Variants in TECPR1 observed in about 807,000 individuals in gnomAD.
TECPR1 encodes the protein tectonin beta-propeller repeat containing 1.
Under a neutral mutation model 162.4 loss-of-function variants are expected in TECPR1, and 122 were observed. The ratio of observed to expected loss-of-function variants is 0.75; its 90% CI spans 0.65 to 0.87. The LOEUF (loss-of-function observed/expected upper bound fraction) is 0.87. Among genes scored for constraint, TECPR1 ranks in the 40% least tolerant of loss-of-function variants. TECPR1 has a pLI of 0.00. For missense variants in TECPR1, 1,432 were observed against 1,618.2 expected (o/e 0.88, Z 1.97); for synonymous variants, 642 against 670.6 (o/e 0.96, Z 0.66).
At position 98,232,027 on chromosome 7, in the gene TECPR1, T is replaced by TG; in HGVS notation, c.1819-69dup. ...GGGTGCCAGGGGAGGAGGGCGGGGC[T>TG]GGGGGTGCCCAGAGGAGGAGGCAGG... On this transcript the variant is annotated intron_variant, in intron 12 of 25. Coordinates refer to ENST00000447648, the MANE Select transcript of TECPR1 (RefSeq NM_015395.3). This position sits in a 1 kb window ranked among gnomAD's most constrained non-coding sequence, Gnocchi z 4.6. 6.6e-7 allele frequency: 1 copy of TG among 1,513,376 alleles called. No homozygotes were observed. Among genetic ancestry groups the TG allele is most frequent in the Non-Finnish European group, 8.9e-7 (1 of 1,127,316 alleles). The allele number at this position is 1,513,376 out of a possible 1,614,324, so 93.7% of individuals were successfully genotyped here. A position where few individuals can be genotyped will look rare whatever the true frequency, so the allele number is the denominator to read the frequency against.
rs1362479626 is a variant in TECPR1 at position 98,222,994 on chromosome 7, G to A, written c.2924C>T (p.Pro975Leu). The change falls in exon 21 of 26, where the codon CCT (proline) becomes CTT (leucine). Residue 975 changes from proline to leucine, a missense_variant. Transcript: ENST00000447648. ...CTGTCTGGCCCCGGCACTCACCGCA[G>A]GGTTGAGCTCCGACACGCCCAGGCG... ...LCRLGVSELN[P>L]AGSSWLHVGT... The A allele has an allele frequency of 5.0e-6, 8 of 1,611,648 alleles. No individual in the cohort carries two copies. Among genetic ancestry groups the A allele is most frequent in the South Asian group, 3.3e-5 (3 of 90,872 alleles).
At chr7:98,246,255 A>G (rs1798906829) in intron 2 of TECPR1, 90 bp from the exon 3 acceptor site, 2 of 713,440 alleles carry the variant, frequency 2.8e-6, no homozygotes, top group South Asian at 2.1e-5. Flanking sequence ...TACTGTGACT[A>G]TTTATTCTTT....
intron 17 of TECPR1, 99 bp from the exon 18 acceptor site, chr7:98,225,201 A>T: frequency 8.5e-7 from 1 of 1,173,688 alleles, no homozygotes; most frequent in Non-Finnish European, 1.2e-6. Context: ...ACCGAGCTCC[A>T]GTCTCAGAGC....
intron 17 of TECPR1, chr7:98,226,647 G>C: frequency 9.3e-7 from 1 of 1,075,570 alleles, no homozygotes; most frequent in Non-Finnish European, 1.1e-6. Context: ...AGAAGTGGAG[G>C]CCGGGCGCAG....
intron 6 of TECPR1, 97 bp downstream of exon 6, chr7:98,243,370 G>A (rs1798819372): frequency 2.0e-6 from 3 of 1,485,864 alleles, no homozygotes; most frequent in Admixed American, 1.9e-5. Flanking sequence ...GGGGGGCCGG[G>A]GCTCCGGGGA....
intron 15 of TECPR1, among the ~76,000 whole-genome samples, chr7:98,230,420 C>A (rs765014615): frequency 3.3e-5 from 5 of 152,092 alleles, no homozygotes; most frequent in Admixed American, 6.5e-5. Context: ...GTCCAGTCTC[C>A]ACCAGCATTT....
At chr7:98,230,780 C>A (rs1257978372) in intron 15 of TECPR1, among the ~76,000 whole-genome samples, 181 bp downstream of exon 15, 2 of 152,204 alleles carry the variant, frequency 1.3e-5, no homozygotes, top group African/African-American at 2.4e-5. Context: ...GGTTCCCCCT[C>A]TTGGAGTCTT....
At position 98,240,754 on chromosome 7, in the gene TECPR1, T is replaced by C. The variant is rs1185665401; in HGVS notation, c.933+97A>G. 8 of 1,049,264 alleles carry C rather than the reference T, an allele frequency of 7.6e-6. No homozygotes were observed. The African/African-American group carries it at 1.1e-4, about 15-fold the overall frequency. The allele number at this position is 1,049,264 out of a possible 1,614,324, so 65.0% of individuals were successfully genotyped here. ...TTTTTAATTTGAGACAGGGTCTCGC[T>C]CTGTCACCCAGGCTGGAGTCCAGTG... On this transcript the variant is annotated intron_variant, in intron 8 of 25. Transcript: ENST00000447648.
chr7:98,222,578 A>G (rs1798169939), intron 21 of TECPR1, 57 bp from the exon 22 acceptor site: 1 of 1,528,942 alleles, frequency 6.5e-7, no homozygotes, highest in Non-Finnish European at 8.8e-7. Context: ...CCAGGGCCCC[A>G]CCTCCAGGAC....
chr7:98,234,705 CTTTTTTTT>C (rs34332931), intron 10 of TECPR1, among the ~76,000 whole-genome samples: 2 of 73,508 alleles, frequency 2.7e-5, no homozygotes, highest in South Asian at 4.4e-4. Context: ...TTGTTATTGT[CTTTTTTTT>C]TTTTTTTTTT....
intron 4 of TECPR1, 87 bp from the exon 5 acceptor site, chr7:98,244,780 A>G: frequency 6.3e-7 from 1 of 1,581,182 alleles, no homozygotes; most frequent in South Asian, 1.2e-5. Context: ...TGTGGCCTGA[A>G]ACACCCGAGC....
intron 10 of TECPR1, among the ~76,000 whole-genome samples, chr7:98,236,445 A>G (rs7777991): frequency 0.17 from 26,124 of 151,586 alleles, 2,354 homozygotes; most frequent in South Asian, 0.29. Flanking sequence ...TCAGCCTCGG[A>G]CCCAATGGGA....
chr7:98,246,154 G>C lies in TECPR1; in HGVS notation c.-8C>G. ...CAGCACTGAGTTGGGCATGGCAGCG[G>C]CTGGAGGTAACCTGCGGCAGGAGGA... On this transcript the variant is annotated 5_prime_UTR_variant, in exon 3 of 26. Transcript: ENST00000447648. 2 of 1,538,050 alleles carry C rather than the reference G, an allele frequency of 1.3e-6. No individual in the cohort carries two copies. Among genetic ancestry groups the C allele is most frequent in the Non-Finnish European group, 1.8e-6 (2 of 1,137,878 alleles).
In TECPR1 at chr7:98,217,381, G is replaced by A. The variant is rs562148558; in HGVS notation, c.*9C>T. On this transcript the variant is annotated 3_prime_UTR_variant, in exon 26 of 26. Coordinates refer to ENST00000447648, the MANE Select transcript of TECPR1 (RefSeq NM_015395.3). ...GCACCGTCCCTGCATGTAGGTGTGT[G>A]GGGGGGCCTCAGCAGCAGACGGGGC... 12 of 1,517,078 alleles carry A rather than the reference G, an allele frequency of 7.9e-6. No individual in the cohort carries two copies. Among genetic ancestry groups the A allele is most frequent in the Admixed American group, 1.8e-5 (1 of 56,456 alleles). The allele number at this position is 1,517,078 out of a possible 1,614,324, so 94.0% of individuals were successfully genotyped here.
At chr7:98,242,897 C>A in intron 6 of TECPR1, among the ~76,000 whole-genome samples, 1 of 150,102 alleles carries the variant, frequency 6.7e-6, no homozygotes, top group Non-Finnish European at 1.5e-5. Flanking sequence ...TACACCCACC[C>A]ACCCACTCAC....
chr7:98,217,679 G>T lies in TECPR1; in HGVS notation c.3384+13C>A, dbSNP rs374994151. On this transcript the variant is annotated intron_variant, in intron 25 of 25. Transcript: ENST00000447648. ...AGGTGATAACACAGCCCAAGGCCGC[G>T]GGCCCCGCTCACCCCGATGCCGTAG... is the stretch of plus-strand genomic sequence containing the variant. The T allele has an allele frequency of 2.5e-5, 38 of 1,533,192 alleles. No homozygotes were observed. The African/African-American group carries it at 4.9e-4, about 20-fold the overall frequency. 95.0% of individuals were successfully genotyped at this position (1,533,192 alleles called of 1,614,324 possible).
chr7:98,218,036 A>G lies in TECPR1; in HGVS notation c.3164T>C (p.Leu1055Pro). Residue 1055 changes from leucine to proline, a missense_variant, in exon 24 of 26, where the codon CTG becomes CCG. Transcript: ENST00000447648. ...SVYALDENGN[L>P]WYRQGITPSY... Reference sequence around the variant, plus strand: ...GGGCGTGATCCCTTGGCGATACCACAGGTTTCCTGGGGAGAAAAGCAGTGA... The same window carrying G: ...GGGCGTGATCCCTTGGCGATACCACGGGTTTCCTGGGGAGAAAAGCAGTGA... 1 of 1,562,662 alleles carries G rather than the reference A, an allele frequency of 6.4e-7. No homozygotes were observed. Among genetic ancestry groups the G allele is most frequent in the African/African-American group, 1.4e-5 (1 of 73,676 alleles).
At chr7:98,221,482 G>GTT (rs71532099) in intron 23 of TECPR1, among the ~76,000 whole-genome samples, 179 bp downstream of exon 23, 66 of 135,444 alleles carry the variant, frequency 4.9e-4, no homozygotes, top group Admixed American at 8.0e-4. Flanking sequence ...AAAAATTAAA[G>GTT]TTTTTTTTTT....
intron 8 of TECPR1, among the ~76,000 whole-genome samples, chr7:98,239,286 C>CACACCTGT: frequency 6.6e-6 from 1 of 152,368 alleles, no homozygotes; most frequent in East Asian, 1.9e-4. Context: ...CACGGTGGCT[C>CACACCTGT]ACACCTGTAA....
Sources: allele counts gnomAD v4.1 joint callset (sites outside exome capture counted in the v4.1 genomes callset), GRCh38; gene constraint gnomAD v4.1.1; non-coding constraint Gnocchi (gnomAD v3.1); transcripts MANE v1.5; gene names NCBI Gene and HGNC (gene_info 2026-07-23, HGNC 2026-07-21).